Variants in ZNF462 observed in about 807,000 individuals in gnomAD.
ZNF462 encodes zinc finger protein 462, also known as zinc finger PBX1-interacting protein.
Under a neutral mutation model 201.9 loss-of-function variants are expected in ZNF462, and 10 were observed. The ratio of observed to expected loss-of-function variants is 0.05; its 90% CI spans 0.03 to 0.08. The LOEUF (loss-of-function observed/expected upper bound fraction) is 0.08. Ranked by LOEUF, ZNF462 falls within the 10% of genes least tolerant of loss-of-function variation. The probability of loss-of-function intolerance (pLI) is 1.00; values close to 1 mark genes in which losing one functional copy is unlikely to be tolerated. For missense variants in ZNF462, 2,523 were observed against 3,168.3 expected, an observed-to-expected ratio of 0.80 and a Z score of 4.89; for synonymous variants, 1,227 against 1,193.3, an observed-to-expected ratio of 1.03 and a Z score of -0.58.
Position 106,935,613 on chromosome 9 carries a change from C to T in ZNF462, c.6227C>T (p.Ala2076Val). 1.9e-6 allele frequency: 3 copies of T among 1,613,608 alleles called. No individual in the cohort carries two copies. Among genetic ancestry groups the T allele is most frequent in the Non-Finnish European group, 2.5e-6 (3 of 1,179,606 alleles). ...NSRLKTHILKAHAGEHAYKCS... is the reference protein window; with the variant it reads ...NSRLKTHILKVHAGEHAYKCS... ...CGGCTGAAAACACATATACTCAAAG[C>T]TCATGCTGGTGAGTTGTGCATTGAT... Residue 2076 changes from alanine (A) to valine (V), a missense_variant, in exon 6 of 13, where the codon GCT becomes GTT. Transcript: ENST00000277225. This position sits in a 1 kb window ranked among gnomAD's most constrained non-coding sequence, Gnocchi z 4.1.
At position 106,902,094 on chromosome 9, in the gene ZNF462, C is replaced by T. The variant is rs1564086431; in HGVS notation, c.-30-21260C>T. Among the ~76,000 whole-genome samples the T allele has an allele frequency of 1.3e-5, 2 of 151,780 alleles. No individual in the cohort carries two copies. The highest frequency in any genetic ancestry group is 4.8e-5 in the African/African-American group (2 of 41,338). ...TTTTATTACATTAAGGTATGTCTCT[C>T]GTATGCTGATTTTGCCAAGCGTTTT... On this transcript the variant is annotated intron_variant, in intron 1 of 12. Transcript: ENST00000277225. This position sits in a 1 kb window ranked among gnomAD's most constrained non-coding sequence, Gnocchi z 4.2.
Position 106,905,017 on chromosome 9 carries a change from G to C in ZNF462, c.-30-18337G>C, listed in dbSNP as rs574887696. Among the ~76,000 whole-genome samples the C allele has an allele frequency of 6.6e-6, 1 of 152,172 alleles. No homozygotes were observed. Among genetic ancestry groups the C allele is most frequent in the Non-Finnish European group, 1.5e-5 (1 of 67,986 alleles). On this transcript the variant is annotated intron_variant, in intron 1 of 12. Coordinates refer to ENST00000277225, the MANE Select transcript of ZNF462 (RefSeq NM_021224.6). This position sits in a 1 kb window ranked among gnomAD's most constrained non-coding sequence, Gnocchi z 5.9. ...GAGCCTTGTTTTGTCATATTACCAGGGTTGGTTTTCTGGTTTCTTCTCATT... is the reference window on the plus strand; with the variant it reads ...GAGCCTTGTTTTGTCATATTACCAGCGTTGGTTTTCTGGTTTCTTCTCATT...
intron 7 of ZNF462, among the ~76,000 whole-genome samples, chr9:106,958,303 G>A (rs931608250): frequency 2.0e-5 from 3 of 152,060 alleles, no homozygotes; most frequent in Non-Finnish European, 4.4e-5. Flanking sequence ...AAGCCCTTCC[G>A]TGGCTGTCTA....
At chr9:106,952,472 T>C (rs1203557568) in intron 7 of ZNF462, among the ~76,000 whole-genome samples, 1 of 152,240 alleles carries the variant, frequency 6.6e-6, no homozygotes, top group Non-Finnish European at 1.5e-5. Flanking sequence ...AGCCTCAAGC[T>C]GAATGAAGTT....
intron 1 of ZNF462, among the ~76,000 whole-genome samples, chr9:106,903,569 G>T (rs1243646281): frequency 9.9e-5 from 15 of 152,010 alleles, no homozygotes; most frequent in Admixed American, 9.8e-4. Context: ...CATTTCTTAG[G>T]TCTATTAGTA....
chr9:106,995,836 T>G (rs745732676), intron 10 of ZNF462, among the ~76,000 whole-genome samples: 3 of 152,216 alleles, frequency 2.0e-5, no homozygotes, highest in Non-Finnish European at 4.4e-5. Flanking sequence ...ATTATTATAC[T>G]TTAAGTTCTA....
intron 10 of ZNF462, among the ~76,000 whole-genome samples, chr9:106,999,696 C>T (rs1377298738): frequency 1.3e-5 from 2 of 152,110 alleles, no homozygotes; most frequent in East Asian, 3.9e-4. Context: ...TACAGAAATA[C>T]ATTAATTCAT....
At chr9:106,946,259 G>A (rs1191062531) in intron 7 of ZNF462, among the ~76,000 whole-genome samples, 1 of 152,154 alleles carries the variant, frequency 6.6e-6, no homozygotes, top group East Asian at 1.9e-4. Context: ...CTCATTTGTG[G>A]AAAGTATCTA....
At chr9:106,992,422 G>A (rs546865736) in intron 10 of ZNF462, among the ~76,000 whole-genome samples, 4 of 152,138 alleles carry the variant, frequency 2.6e-5, no homozygotes, top group South Asian at 2.1e-4. Context: ...TAGCCACTTC[G>A]GAGCAGTTTG....
At chr9:106,900,091 T>C (rs559892565) in intron 1 of ZNF462, among the ~76,000 whole-genome samples, 2 of 151,588 alleles carry the variant, frequency 1.3e-5, no homozygotes, top group Admixed American at 6.6e-5. Context: ...GAACATACGA[T>C]GTTTGGTTTT....
intron 1 of ZNF462, among the ~76,000 whole-genome samples, chr9:106,903,062 T>C (rs193208258): frequency 3.4e-4 from 52 of 152,278 alleles, no homozygotes; most frequent in African/African-American, 1.2e-3. Context: ...GATGTAGATG[T>C]AGGCATTTAG....
rs540383876 is a variant in ZNF462 at position 106,953,404 on chromosome 9, G to A, written c.6427+14297G>A. On this transcript the variant is annotated intron_variant, in intron 7 of 12. Coordinates refer to ENST00000277225, the MANE Select transcript of ZNF462 (RefSeq NM_021224.6). ...GAAATAGCTTTCACAAGGATCATCA[G>A]TGACTTCAGACAAACAAGGTCACGG... 3.4e-4 allele frequency among the ~76,000 whole-genome samples: 52 copies of A among 152,240 alleles called. 1 individual carries two copies. The South Asian group carries it at 0.01, about 30-fold the overall frequency.
Position 106,923,932 on chromosome 9 carries a change from C to G in ZNF462, c.221-201C>G, listed in dbSNP as rs1447893962. On this transcript the variant is annotated intron_variant, in intron 2 of 12. Transcript: ENST00000277225. This position sits in a 1 kb window ranked among gnomAD's most constrained non-coding sequence, Gnocchi z 5.6. ...TGAGGAGAATACCTAAAGCTATACACTGCATCTTTATCCATGAGAAGGTGC... is the reference window on the plus strand; with the variant it reads ...TGAGGAGAATACCTAAAGCTATACAGTGCATCTTTATCCATGAGAAGGTGC... Among the ~76,000 whole-genome samples the G allele has an allele frequency of 1.3e-5, 2 of 152,190 alleles. No individual in the cohort carries two copies. Among genetic ancestry groups the G allele is most frequent in the African/African-American group, 4.8e-5 (2 of 41,428 alleles).
intron 10 of ZNF462, among the ~76,000 whole-genome samples, chr9:106,987,712 G>C (rs1827960284): frequency 6.6e-6 from 1 of 152,060 alleles, no homozygotes; most frequent in South Asian, 2.1e-4. Context: ...TTTGGTTTTG[G>C]GTTCTTGGTC....
At chr9:106,995,114 A>G (rs1340582029) in intron 10 of ZNF462, among the ~76,000 whole-genome samples, 1 of 152,066 alleles carries the variant, frequency 6.6e-6, no homozygotes, top group East Asian at 1.9e-4. Flanking sequence ...CTGGCCAGCC[A>G]CAAAGCTCTG....
At position 107,003,531 on chromosome 9, in the gene ZNF462, C is replaced by G. The variant is rs1368892884; in HGVS notation, c.7189+105C>G. 9 of 1,431,848 alleles carry G rather than the reference C, an allele frequency of 6.3e-6. No homozygotes were observed. The East Asian group carries it at 2.2e-4, about 35-fold the overall frequency. The allele number at this position is 1,431,848 out of a possible 1,614,324, so 88.7% of individuals were successfully genotyped here. ...TGTAGGAGTAACAGAAGGAATGATC[C>G]TTCTTAGTTAAGTAGCAGAACAGAC... On this transcript the variant is annotated intron_variant, in intron 11 of 12. Coordinates refer to ENST00000277225, the MANE Select transcript of ZNF462 (RefSeq NM_021224.6). This position sits in a 1 kb window ranked among gnomAD's most constrained non-coding sequence, Gnocchi z 4.4.
chr9:106,944,823 G>A lies in ZNF462; in HGVS notation c.6427+5716G>A, dbSNP rs976872590. Among the ~76,000 whole-genome samples the A allele has an allele frequency of 5.3e-5, 8 of 152,122 alleles. No individual in the cohort carries two copies. In the South Asian group the frequency reaches 8.3e-4, roughly 16 times the overall value. ...TGTACAGTATTTGTCTTTCTGTGCCGGCTTATTGGCAATTTTTTTCTATAA... is the reference window on the plus strand; with the variant it reads ...TGTACAGTATTTGTCTTTCTGTGCCAGCTTATTGGCAATTTTTTTCTATAA... On this transcript the variant is annotated intron_variant, in intron 7 of 12. Transcript: ENST00000277225.
chr9:106,860,403 C>T (rs1827035087), upstream of ZNF462, among the ~76,000 whole-genome samples: 2 of 152,130 alleles, frequency 1.3e-5, no homozygotes, highest in South Asian at 4.1e-4. The surrounding 1 kb of genome is among the most constrained non-coding windows in gnomAD (Gnocchi z 7.1). Context: ...CTGCGGGAAG[C>T]CCTTTGGTGC....
intron 1 of ZNF462, among the ~76,000 whole-genome samples, chr9:106,918,167 G>A (rs1428259804): frequency 6.6e-6 from 1 of 152,036 alleles, no homozygotes; most frequent in Non-Finnish European, 1.5e-5. Flanking sequence ...GAGCCACCAC[G>A]CCCTGCCTGC....
Sources: gnomAD v4.1 joint callset for allele counts (sites outside exome capture counted in the v4.1 genomes callset) on GRCh38, gnomAD v4.1.1 for gene constraint, Gnocchi (gnomAD v3.1) non-coding constraint, MANE v1.5 for transcripts, NCBI Gene and HGNC (gene_info 2026-07-23, HGNC 2026-07-21) for gene names.